The following PIEZO2 variants were observed in gnomAD, a reference collection of about 807,000 sequenced individuals.
PIEZO2 encodes piezo type mechanosensitive ion channel component 2, also known as piezo-type mechanosensitive ion channel component 2.
In PIEZO2, 172 loss-of-function variants were observed where a neutral mutation model predicts 337.3. The ratio of observed to expected loss-of-function variants is 0.51; its 90% confidence interval spans 0.45 to 0.58. PIEZO2 has a LOEUF of 0.58. PIEZO2 is among the 20% of genes least tolerant of loss of function. The pLI is 0.00. For synonymous variants in PIEZO2, 1,251 were observed against 1,228.5 expected, an observed-to-expected ratio of 1.02 and a Z score of -0.38; for missense variants, 3,028 against 3,391.3, an observed-to-expected ratio of 0.89 and a Z score of 2.66.
At chr18:10,967,907 G>GATTATTATT (rs757640823) in intron 3 of PIEZO2, among the ~76,000 whole-genome samples, 1 of 151,452 alleles carries the variant, frequency 6.6e-6, no homozygotes, top group Non-Finnish European at 1.5e-5. Context: ...TTACTCTGCT[G>GATTATTATT]ATTATTATTA....
chr18:10,703,195 C>A (rs1216614482), intron 42 of PIEZO2, among the ~76,000 whole-genome samples: 3 of 152,144 alleles, frequency 2.0e-5, no homozygotes, highest in African/African-American at 7.2e-5. Flanking sequence ...TTTCCACATT[C>A]TTGGTATTTC....
At chr18:11,107,837 C>T (rs189088366) in intron 1 of PIEZO2, among the ~76,000 whole-genome samples, 18 of 152,332 alleles carry the variant, frequency 1.2e-4, no homozygotes, top group African/African-American at 4.1e-4. Context: ...CATCCTCCTC[C>T]CTGAGCATTT....
chr18:10,944,517 G>GATATATATAT lies in PIEZO2; in HGVS notation c.287-33299_287-33290dup, dbSNP rs368272727. On this transcript the variant is annotated intron_variant, in intron 3 of 55. Coordinates refer to ENST00000674853, the MANE Select transcript of PIEZO2 (RefSeq NM_001378183.1). ...TATATATATATATATCTTAGTAACA[G>GATATATATAT]ATATATATATATATATATATATATA... 2.0e-3 allele frequency among the ~76,000 whole-genome samples: 100 copies of GATATATATAT among 49,838 alleles called. 1 individual carries two copies. The highest frequency in any genetic ancestry group is 0.014 in the East Asian group (34 of 2,450). 32.7% of individuals were successfully genotyped at this position (49,838 alleles called of 152,430 possible). A position where few individuals can be genotyped will look rare whatever the true frequency, so the allele number is the denominator to read the frequency against.
chr18:10,791,472 T>C, intron 13 of PIEZO2, 148 bp from the exon 14 acceptor site: 1 of 851,364 alleles, frequency 1.2e-6, no homozygotes, highest in Non-Finnish European at 1.6e-6. Context: ...CCTGCTTGAC[T>C]TCAGCTGAGA....
chr18:10,923,651 T>G (rs745813643), intron 3 of PIEZO2, among the ~76,000 whole-genome samples: 22 of 152,364 alleles, frequency 1.4e-4, no homozygotes, highest in Non-Finnish European at 2.4e-4. Flanking sequence ...TCAATGACAC[T>G]CAGCTTTTAT....
At chr18:11,037,658 C>G (rs780200634) in intron 2 of PIEZO2, among the ~76,000 whole-genome samples, 22 of 152,268 alleles carry the variant, frequency 1.4e-4, no homozygotes, top group Non-Finnish European at 2.9e-4. Context: ...AAAGCACTCT[C>G]CCTGTTTCCA....
intron 5 of PIEZO2, 98 bp downstream of exon 5, chr18:10,871,155 G>A: frequency 8.2e-7 from 1 of 1,218,484 alleles, no homozygotes; most frequent in South Asian, 1.6e-5. Context: ...ATCATAACGT[G>A]CTCTGTATGC....
At chr18:10,939,079 C>CA (rs113892869) in intron 3 of PIEZO2, among the ~76,000 whole-genome samples, 22,331 of 110,952 alleles carry the variant, frequency 0.2, 2,282 homozygotes, top group African/African-American at 0.34. Flanking sequence ...AAAAACAAAA[C>CA]AAAAAAAAAA....
chr18:10,845,200 GTA>G lies in PIEZO2; in HGVS notation c.917+10151_917+10152del, dbSNP rs143358954. Among the ~76,000 whole-genome samples the G allele has an allele frequency of 1.7e-4, 25 of 149,184 alleles. No homozygotes were observed. In the East Asian group the frequency reaches 2.2e-3, roughly 13 times the overall value. ...AATTTTTCCCATTGTGTGTGTGTGT[GTA>G]TATATATATATAAACACACACACAC... On this transcript the variant is annotated intron_variant, in intron 7 of 55. Coordinates refer to ENST00000674853, the MANE Select transcript of PIEZO2 (RefSeq NM_001378183.1).
intron 2 of PIEZO2, among the ~76,000 whole-genome samples, chr18:11,043,818 T>C (rs2660250): frequency 0.7 from 106,596 of 151,682 alleles, 37,679 homozygotes; most frequent in Middle Eastern, 0.77. Context: ...CATAGGCACG[T>C]GCCATCATGC....
chr18:10,756,705 G>A (rs1009650280), intron 27 of PIEZO2, among the ~76,000 whole-genome samples: 3 of 150,962 alleles, frequency 2.0e-5, no homozygotes, highest in African/African-American at 7.3e-5. Flanking sequence ...GAGAAATGGA[G>A]GATGAGGAGG....
At chr18:11,147,599 A>G (rs2040841905) in intron 1 of PIEZO2, among the ~76,000 whole-genome samples, 1 of 152,180 alleles carries the variant, frequency 6.6e-6, no homozygotes, top group African/African-American at 2.4e-5. Flanking sequence ...ACTTGGTGAA[A>G]AGCGCTCTAC....
At chr18:11,107,876 T>A (rs1047541278) in intron 1 of PIEZO2, among the ~76,000 whole-genome samples, 2 of 152,212 alleles carry the variant, frequency 1.3e-5, no homozygotes, top group African/African-American at 4.8e-5. Flanking sequence ...CCAGAGCACA[T>A]ATTTGCTGCT....
chr18:11,135,144 A>C (rs1488770375), intron 1 of PIEZO2, among the ~76,000 whole-genome samples: 1 of 152,234 alleles, frequency 6.6e-6, no homozygotes. Context: ...TTTCACAATA[A>C]GATTTCAAAC....
intron 7 of PIEZO2, among the ~76,000 whole-genome samples, chr18:10,823,626 C>T (rs1009278777): frequency 2.0e-5 from 3 of 152,086 alleles, no homozygotes; most frequent in African/African-American, 7.2e-5. Context: ...ATGGAAACAA[C>T]CCAGTTCAAA....
intron 21 of PIEZO2, among the ~76,000 whole-genome samples, chr18:10,769,017 C>T (rs76737988): frequency 0.055 from 8,413 of 152,260 alleles, 291 homozygotes; most frequent in Non-Finnish European, 0.065. Flanking sequence ...TCAGAAGTCA[C>T]CTGTACCTCA....
chr18:10,673,062 T>A lies in PIEZO2; in HGVS notation c.8162-189A>T. Among the ~76,000 whole-genome samples, 1 of 152,166 alleles carries A rather than the reference T, an allele frequency of 6.6e-6. No homozygotes were observed. Among genetic ancestry groups the A allele is most frequent in the East Asian group, 1.9e-4 (1 of 5,196 alleles). On this transcript the variant is annotated intron_variant, in intron 54 of 55. Transcript: ENST00000674853. The surrounding 1 kb of genome is among the most constrained non-coding windows in gnomAD (Gnocchi z 4.8). The stretch of plus-strand genomic sequence containing the variant: ...GGGCCCTGGGTATGTAAGTGATTTT[T>A]CCTTTTCAGTGAGAGAGGTCAGCCG...
chr18:10,999,628 C>A (rs2035462223), intron 2 of PIEZO2, among the ~76,000 whole-genome samples: 1 of 152,000 alleles, frequency 6.6e-6, no homozygotes, highest in African/African-American at 2.4e-5. Context: ...CACTTGAGCA[C>A]CCAAGGATTT....
At chr18:11,026,281 T>C (rs1171643411) in intron 2 of PIEZO2, among the ~76,000 whole-genome samples, 1 of 152,204 alleles carries the variant, frequency 6.6e-6, no homozygotes, top group Non-Finnish European at 1.5e-5. Flanking sequence ...TGTAGTCGCA[T>C]AGAGTCAGCT....
Sources: allele counts gnomAD v4.1 joint callset (sites outside exome capture counted in the v4.1 genomes callset), GRCh38; gene constraint gnomAD v4.1.1; non-coding constraint Gnocchi (gnomAD v3.1); transcripts MANE v1.5; gene names NCBI Gene and HGNC (gene_info 2026-07-23, HGNC 2026-07-21).